CEP72: variants seen among roughly 807,000 people sequenced by gnomAD.
CEP72 encodes the protein centrosomal protein 72.
A neutral mutation model predicts 65.7 loss-of-function variants in CEP72; 78 were observed. The observed-to-expected ratio is 1.19, with a 90% CI of 0.99 to 1.43. CEP72 has a LOEUF of 1.43. Among genes scored for constraint, CEP72 ranks in the 40% most tolerant of loss-of-function variants. The pLI is 0.00. For missense variants in CEP72, 914 were observed against 832.9 expected (o/e 1.10, Z -1.20); for synonymous variants, 358 against 351.7 (o/e 1.02, Z -0.20).
In CEP72 at chr5:633,800, G is replaced by A. The variant is rs62001013; in HGVS notation, c.544G>A (p.Ala182Thr). ...PHHPRAKCTE[A>T]LAKQSLVMDA... ...CCACCCCAGAGCCAAGTGCACCGAGGCCTTGGCCAAGCAGAGCCTGGTCAT... is the reference window on the plus strand; with the variant it reads ...CCACCCCAGAGCCAAGTGCACCGAGACCTTGGCCAAGCAGAGCCTGGTCAT... The change falls in exon 5 of 12, where the codon GCC (alanine) becomes ACC (threonine). Residue 182 changes from alanine (A) to threonine (T), a missense_variant. Transcript: ENST00000264935. 7.0e-3 allele frequency: 11,279 copies of A among 1,614,044 alleles called. 669 individuals carry two copies. In the African/African-American group the frequency reaches 0.13, roughly 19 times the overall value.
intron 4 of CEP72, among the ~76,000 whole-genome samples, chr5:628,626 G>A (rs2455337): frequency 2.7e-3 from 259 of 97,724 alleles, no homozygotes; most frequent in South Asian, 3.7e-3. Flanking sequence ...CGCAGTCCCC[G>A]GGGAGTGGCC....
chr5:673,316 C>T, the CEP72 span, among the ~76,000 whole-genome samples: 4,228 of 152,208 alleles, frequency 0.028, 193 homozygotes, highest in African/African-American at 0.096. Flanking sequence ...CCTGGGAGGT[C>T]AGGACCCCGT....
At chr5:661,874 T>C (rs1405895421), downstream of CEP72, 22 of 152,330 alleles carry the variant, frequency 1.4e-4, no homozygotes, top group Admixed American at 1.4e-3. Flanking sequence ...CTCTCCTGGC[T>C]CCCGCATGTC....
chr5:658,644 GATTT>G (rs1306301652), downstream of CEP72, among the ~76,000 whole-genome samples: 1 of 79,434 alleles, frequency 1.3e-5, no homozygotes, highest in Admixed American at 1.5e-4. Context: ...CAGCAAAGCT[GATTT>G]TTTTTTTTTT....
chr5:668,817 T>C (rs374601844), downstream of CEP72, among the ~76,000 whole-genome samples: 1 of 152,232 alleles, frequency 6.6e-6, no homozygotes, highest in South Asian at 2.1e-4. Flanking sequence ...TGCTGTGATG[T>C]GTGCGCACGT....
chr5:638,564 G>T (rs867666886), intron 7 of CEP72, among the ~76,000 whole-genome samples: 75 of 147,662 alleles, frequency 5.1e-4, no homozygotes, highest in African/African-American at 1.5e-3. Context: ...AGCATGGGGT[G>T]GGGGGGGGTC....
In CEP72 at chr5:612,400, G is replaced by C; in HGVS notation, c.39G>C (p.Glu13Asp). The C allele has an allele frequency of 6.7e-7, 1 of 1,489,922 alleles. No individual in the cohort carries two copies. The highest frequency in any genetic ancestry group is 8.9e-7 in the Non-Finnish European group (1 of 1,125,110). The allele number at this position is 1,489,922 out of a possible 1,614,324, so 92.3% of individuals were successfully genotyped here. Residue 13 changes from glutamate (E) to aspartate (D), a missense_variant, in exon 1 of 12, where the codon GAG becomes GAC. Glu to Asp is a conservative substitution (Grantham distance 45, BLOSUM62 2). Transcript: ENST00000264935. ...GCCCTCGGCTGGTGCTGAGCGAGGA[G>C]GCGGTTCGGGCGAAGAGCGGCTTAG... is the stretch of plus-strand genomic sequence containing the variant. ...RAGPRLVLSE[E>D]AVRAKSGLGP...
At chr5:619,183 A>AGAAACG (rs1248888107) in intron 2 of CEP72, 66 bp downstream of exon 2, 1 of 1,454,682 alleles carries the variant, frequency 6.9e-7, no homozygotes, top group Non-Finnish European at 9.6e-7. Flanking sequence ...CATTCACAGC[A>AGAAACG]GAAACGGAGT....
chr5:646,024 C>T (rs1199975060), intron 10 of CEP72, among the ~76,000 whole-genome samples: 2 of 149,928 alleles, frequency 1.3e-5, no homozygotes, highest in African/African-American at 4.9e-5. Flanking sequence ...TTGCTCCCAT[C>T]GGCGGCCTGT....
At chr5:676,074 G>A in the CEP72 span, 1 of 152,226 alleles carries the variant, frequency 6.6e-6, no homozygotes, top group Non-Finnish European at 1.5e-5. Context: ...GGCCCTGGTT[G>A]CCTCTGCCGT....
chr5:666,209 G>C, intron 4 of CEP72: 1 of 1,453,468 alleles, frequency 6.9e-7, no homozygotes, highest in Non-Finnish European at 9.3e-7. Context: ...GAGCTGGACA[G>C]CCATGGCCCA....
Position 623,662 on chromosome 5 carries a change from G to A in CEP72, c.404-809G>A, listed in dbSNP as rs1198389239. On this transcript the variant is annotated intron_variant, in intron 3 of 11. Transcript: ENST00000264935. The surrounding 1 kb of genome is among the most constrained non-coding windows in gnomAD (Gnocchi z 5.3). ...AGGCCGGGGTGGAAAGGTTGCGGGA[G>A]GGTGGGATTGGGTGCAGGTCTCCTG... 6.6e-6 allele frequency among the ~76,000 whole-genome samples: 1 copy of A among 152,130 alleles called. No homozygotes were observed. The highest frequency in any genetic ancestry group is 1.5e-5 in the Non-Finnish European group (1 of 68,032).
chr5:646,131 G>A (rs995164060), intron 10 of CEP72, among the ~76,000 whole-genome samples: 2 of 152,188 alleles, frequency 1.3e-5, no homozygotes, highest in African/African-American at 4.8e-5. Context: ...TTTCCACGGC[G>A]GTCGCTTTGC....
intron 4 of CEP72, among the ~76,000 whole-genome samples, chr5:625,797 C>T (rs758677253): frequency 2.0e-5 from 3 of 152,140 alleles, no homozygotes; most frequent in Non-Finnish European, 4.4e-5. Context: ...TTGTTTGTCT[C>T]GGAGGGCCTC....
intron 4 of CEP72, among the ~76,000 whole-genome samples, chr5:625,011 C>G (rs549045623): frequency 3.0e-4 from 46 of 152,274 alleles, no homozygotes; most frequent in Admixed American, 2.2e-3. Flanking sequence ...CTTCCTCCCC[C>G]ACCCTTTCTG....
intron 4 of CEP72, among the ~76,000 whole-genome samples, chr5:625,397 T>A (rs1736688259): frequency 6.6e-6 from 1 of 152,242 alleles, no homozygotes; most frequent in African/African-American, 2.4e-5. Context: ...ATCAGTCAGC[T>A]TTTTTGTGTG....
At chr5:662,075 T>A (rs1739645231), downstream of CEP72, 1 of 152,372 alleles carries the variant, frequency 6.6e-6, no homozygotes, top group Non-Finnish European at 1.5e-5. Flanking sequence ...GGCCTAGGGT[T>A]TGGGATGCAC....
At position 645,762 on chromosome 5, in the gene CEP72, T is replaced by A. The variant is rs1738374356; in HGVS notation, c.1666+1337T>A. Among the ~76,000 whole-genome samples, 3 of 152,394 alleles carry A rather than the reference T, an allele frequency of 2.0e-5. No individual in the cohort carries two copies. The highest frequency in any genetic ancestry group is 7.2e-5 in the African/African-American group (3 of 41,598). On this transcript the variant is annotated intron_variant, in intron 10 of 11. Coordinates refer to ENST00000264935, the MANE Select transcript of CEP72 (RefSeq NM_018140.4). The surrounding 1 kb of genome is among the most constrained non-coding windows in gnomAD (Gnocchi z 4.0). ...TAAATAATAGTCTAACTTGTCTTTGTTACTCGGTCTTAAATGTATGCATAG... is the reference window on the plus strand; with the variant it reads ...TAAATAATAGTCTAACTTGTCTTTGATACTCGGTCTTAAATGTATGCATAG...
rs1375664960 is a variant in CEP72, at chr5:635,601, T to TA, written c.904+18dup. 1.3e-6 allele frequency: 2 copies of TA among 1,575,694 alleles called. No individual in the cohort carries two copies. Among genetic ancestry groups the TA allele is most frequent in the Non-Finnish European group, 1.7e-6 (2 of 1,146,748 alleles). On this transcript the variant is annotated intron_variant, in intron 6 of 11. Transcript: ENST00000264935. ...CACACCCAGGTACTTACGCGTGTCT[T>TA]AGTCTGTTTTCTGTTGCTGTAACAG...
Sources: gnomAD v4.1 joint callset for allele counts (sites outside exome capture counted in the v4.1 genomes callset) on GRCh38, gnomAD v4.1.1 for gene constraint, Gnocchi (gnomAD v3.1) non-coding constraint, MANE v1.5 for transcripts, NCBI Gene and HGNC (gene_info 2026-07-23, HGNC 2026-07-21) for gene names.